The following GALNT17 variants were observed in gnomAD, a reference collection of about 807,000 sequenced individuals.
GALNT17 encodes the protein polypeptide N-acetylgalactosaminyltransferase 17.
Under a neutral mutation model 63.7 loss-of-function variants are expected in GALNT17, and 29 were observed. The ratio of observed to expected loss-of-function variants is 0.46; its 90% CI spans 0.34 to 0.62. The LOEUF (loss-of-function observed/expected upper bound fraction) is 0.62. GALNT17 is among the 20% of genes least tolerant of loss of function. The pLI, the probability that GALNT17 is intolerant of heterozygous loss-of-function variation, is 0.01. For missense variants in GALNT17, 603 were observed against 799.6 expected, an observed-to-expected ratio of 0.75 and a Z score of 2.97; for synonymous variants, 305 against 318.3, an observed-to-expected ratio of 0.96 and a Z score of 0.45.
chr7:71,379,760 C>T (rs770432292), intron 2 of GALNT17, among the ~76,000 whole-genome samples: 9 of 151,990 alleles, frequency 5.9e-5, no homozygotes, highest in Non-Finnish European at 1.3e-4. Flanking sequence ...GAGCGCTCCA[C>T]GTGGAGATTT....
At chr7:71,238,924 G>T (rs1054755207) in intron 1 of GALNT17, among the ~76,000 whole-genome samples, 2 of 152,162 alleles carry the variant, frequency 1.3e-5, no homozygotes, top group Non-Finnish European at 2.9e-5. Context: ...ACTCACCTGG[G>T]AGAACTCAGC....
chr7:71,196,826 A>G (rs1407178076), intron 1 of GALNT17, among the ~76,000 whole-genome samples: 1 of 151,056 alleles, frequency 6.6e-6, no homozygotes, highest in Non-Finnish European at 1.5e-5. Flanking sequence ...GCTAATTTTT[A>G]TATTTTTAGT....
chr7:71,227,345 G>C (rs1789699731), intron 1 of GALNT17, among the ~76,000 whole-genome samples: 1 of 151,274 alleles, frequency 6.6e-6, no homozygotes, highest in Non-Finnish European at 1.5e-5. Flanking sequence ...GCCTGGATGA[G>C]AGAGCAAGAC....
chr7:71,407,684 G>A (rs1247205886), intron 3 of GALNT17, among the ~76,000 whole-genome samples: 1 of 152,214 alleles, frequency 6.6e-6, no homozygotes. Flanking sequence ...GGAGTTGGAA[G>A]CTGCAGTGAG....
chr7:71,335,405 C>T (rs1380443858), intron 1 of GALNT17, 145 bp from the exon 2 acceptor site: 1 of 797,654 alleles, frequency 1.3e-6, no homozygotes, highest in Non-Finnish European at 1.8e-6. Context: ...TTTTCAGGGC[C>T]TATACCTGAG....
chr7:71,356,429 T>G (rs763879769), intron 2 of GALNT17, among the ~76,000 whole-genome samples: 3 of 152,166 alleles, frequency 2.0e-5, no homozygotes, highest in Non-Finnish European at 4.4e-5. Flanking sequence ...TTCTACAGGC[T>G]ATACAAGCAT....
chr7:71,193,669 A>T (rs553562013), intron 1 of GALNT17, among the ~76,000 whole-genome samples: 2 of 151,736 alleles, frequency 1.3e-5, no homozygotes, highest in East Asian at 3.9e-4. Context: ...TCCTGGGGGG[A>T]AGATTGAGAA....
At chr7:71,201,704 T>A (rs1789175263) in intron 1 of GALNT17, among the ~76,000 whole-genome samples, 1 of 151,910 alleles carries the variant, frequency 6.6e-6, no homozygotes, top group Admixed American at 6.6e-5. Context: ...TGCTTTCGGC[T>A]CACTGCAACC....
intron 5 of GALNT17, among the ~76,000 whole-genome samples, chr7:71,451,650 T>C (rs1787264849): frequency 6.6e-6 from 1 of 152,146 alleles, no homozygotes; most frequent in African/African-American, 2.4e-5. Flanking sequence ...ATTTATTTTC[T>C]TTTTGTCTTG....
chr7:71,235,273 G>A (rs1789867250), intron 1 of GALNT17, among the ~76,000 whole-genome samples: 1 of 151,782 alleles, frequency 6.6e-6, no homozygotes, highest in African/African-American at 2.4e-5. Context: ...AAAAAATTTG[G>A]TCTGTTCGTT....
At position 71,404,337 on chromosome 7, in the gene GALNT17, C is replaced by T. The variant is rs189455898; in HGVS notation, c.590-11552C>T. 1.6e-4 allele frequency among the ~76,000 whole-genome samples: 25 copies of T among 152,230 alleles called. No homozygotes were observed. The East Asian group carries it at 2.5e-3, about 15-fold the overall frequency. On this transcript the variant is annotated intron_variant, in intron 3 of 10. Transcript: ENST00000333538. ...CCTCACATCTCTTTGCTTTTCTTTT[C>T]GTCTTTTGCTTTCTTTTGTCCTTTT...
intron 3 of GALNT17, among the ~76,000 whole-genome samples, chr7:71,388,826 C>G (rs1379266652): frequency 6.6e-6 from 1 of 151,956 alleles, no homozygotes; most frequent in Non-Finnish European, 1.5e-5. Flanking sequence ...CGTGCCCGGC[C>G]CAAGATTTTT....
At chr7:71,313,499 C>T (rs1252371717) in intron 1 of GALNT17, among the ~76,000 whole-genome samples, 1 of 152,140 alleles carries the variant, frequency 6.6e-6, no homozygotes, top group African/African-American at 2.4e-5. Context: ...TCCGTAGCAA[C>T]AAAGACACAT....
intron 6 of GALNT17, among the ~76,000 whole-genome samples, chr7:71,640,512 G>T (rs1433707061): frequency 6.6e-6 from 1 of 152,062 alleles, no homozygotes; most frequent in Non-Finnish European, 1.5e-5. Flanking sequence ...ATGTAGGCTA[G>T]ACATTTTTAT....
chr7:71,425,112 G>A (rs1384071506), intron 5 of GALNT17, among the ~76,000 whole-genome samples: 2 of 152,182 alleles, frequency 1.3e-5, no homozygotes, highest in Non-Finnish European at 2.9e-5. Context: ...ATTAAAGAGG[G>A]CAAAGGCCGA....
intron 1 of GALNT17, among the ~76,000 whole-genome samples, chr7:71,148,980 G>C (rs1277755884): frequency 1.3e-5 from 2 of 151,308 alleles, no homozygotes; most frequent in African/African-American, 4.9e-5. Context: ...CGCCTAGGCT[G>C]GAGTGCAGTG....
intron 6 of GALNT17, among the ~76,000 whole-genome samples, chr7:71,585,894 C>T (rs1379557037): frequency 6.7e-6 from 1 of 149,400 alleles, no homozygotes; most frequent in Non-Finnish European, 1.5e-5. Context: ...CTTCCCGCCC[C>T]AGCAAGCATT....
chr7:71,687,946 C>A (rs1037302913), intron 9 of GALNT17, among the ~76,000 whole-genome samples: 9 of 152,070 alleles, frequency 5.9e-5, no homozygotes, highest in Non-Finnish European at 1.3e-4. Context: ...GATTCTCCCC[C>A]CTCAGCCTCC....
chr7:71,564,020 A>G (rs1022415264), intron 5 of GALNT17, among the ~76,000 whole-genome samples: 1 of 152,078 alleles, frequency 6.6e-6, no homozygotes, highest in Non-Finnish European at 1.5e-5. Context: ...CCACCCTGCC[A>G]GGGTGATATG....
Sources: gnomAD v4.1 joint callset for allele counts (sites outside exome capture counted in the v4.1 genomes callset) on GRCh38, gnomAD v4.1.1 for gene constraint, MANE v1.5 for transcripts, NCBI Gene and HGNC (gene_info 2026-07-23, HGNC 2026-07-21) for gene names.